Variants in ZGPAT observed in about 807,000 individuals in gnomAD.
The protein encoded by ZGPAT is zinc finger CCCH-type and G-patch domain containing, also known as zinc finger CCCH-type with G patch domain-containing protein.
ZGPAT carries 39 observed loss-of-function variants against 47.9 expected under a neutral mutation model. The observed-to-expected ratio is 0.81, with a 90% CI of 0.63 to 1.06. The LOEUF is 1.06. ZGPAT is among the 50% of genes least tolerant of loss of function. The pLI is 0.00. For synonymous variants in ZGPAT, 348 were observed against 292.9 expected, an observed-to-expected ratio of 1.19 and a Z score of -1.92; for missense variants, 717 against 681.4, an observed-to-expected ratio of 1.05 and a Z score of -0.58.
At chr20:63,730,952 CTCTCTCTCTCTCTCTCTCTGTGTGTG>C (rs2091893089) in intron 2 of ZGPAT, among the ~76,000 whole-genome samples, 1 of 145,638 alleles carries the variant, frequency 6.9e-6, no homozygotes, top group African/African-American at 2.8e-5. Context: ...CTCTCTCTCT[CTCTCTCTCTCTCTCTCTCTGTGTGTG>C]TGTGTGTGTG....
At chr20:63,709,358 C>T (rs1373172087) in intron 2 of ZGPAT, among the ~76,000 whole-genome samples, 194 bp downstream of exon 2, 1 of 152,176 alleles carries the variant, frequency 6.6e-6, no homozygotes, top group Non-Finnish European at 1.5e-5. Flanking sequence ...TGGAAGGAGG[C>T]CAGGCGCGGT....
intron 2 of ZGPAT, among the ~76,000 whole-genome samples, chr20:63,723,711 A>G (rs2091814615): frequency 6.6e-6 from 1 of 152,218 alleles, no homozygotes; most frequent in Non-Finnish European, 1.5e-5. Flanking sequence ...TATTATTGCC[A>G]TATATACATT....
chr20:63,733,698 A>C lies in ZGPAT; in HGVS notation c.830A>C (p.Asp277Ala). ...CTGCGCACAGAGGCCACAGAGTCCG[A>C]CTCAGACAGCGACGGTACGGGTGAC... is the stretch of plus-strand genomic sequence containing the variant. ...PPLRTEATES[D>A]SDSDGTGDSS... The change falls in exon 4 of 7, where the codon GAC becomes GCC. Residue 277 changes from aspartate (D) to alanine (A), a missense_variant. Asp to Ala is a moderately radical substitution (Grantham distance 126). Coordinates refer to ENST00000355969, the MANE Select transcript of ZGPAT (RefSeq NM_181485.3). 3 of 1,613,816 alleles carry C rather than the reference A, an allele frequency of 1.9e-6. No individual in the cohort carries two copies. The highest frequency in any genetic ancestry group is 2.5e-6 in the Non-Finnish European group (3 of 1,179,970).
chr20:63,735,248 C>A lies in ZGPAT; in HGVS notation c.1081C>A (p.Leu361Met). 6.2e-7 allele frequency: 1 copy of A among 1,604,294 alleles called. No individual in the cohort carries two copies. The highest frequency in any genetic ancestry group is 8.5e-7 in the Non-Finnish European group (1 of 1,175,608). ...GTCGCTGGACCAGTGTGTGGAGACC[C>A]TGCAGAAGCAGACCAGGGTTGGCAA... is the stretch of plus-strand genomic sequence containing the variant. ...GKSLDQCVET[L>M]QKQTRVGKAG... Residue 361 changes from leucine (L) to methionine (M), a missense_variant, in exon 6 of 7, where the codon CTG (leucine) becomes ATG (methionine). Physicochemically the swap from Leu to Met is conservative, Grantham distance 15 (BLOSUM62 2). Transcript: ENST00000355969.
At chr20:63,734,444 A>G in intron 4 of ZGPAT, 1 of 589,944 alleles carries the variant, frequency 1.7e-6, no homozygotes, top group Non-Finnish European at 2.9e-6. Context: ...AGGAGGGGCC[A>G]CGGTGCAGCA....
At chr20:63,728,777 C>G (rs1433520934) in intron 2 of ZGPAT, among the ~76,000 whole-genome samples, 1 of 152,220 alleles carries the variant, frequency 6.6e-6, no homozygotes, top group Non-Finnish European at 1.5e-5. Context: ...ACATCCACCT[C>G]TGCTGCTGCT....
chr20:63,709,271 C>T, intron 2 of ZGPAT, 107 bp downstream of exon 2: 3 of 1,262,978 alleles, frequency 2.4e-6, no homozygotes, highest in Non-Finnish European at 3.4e-6. Context: ...GTCTCAGCTT[C>T]CTGGGGCAGG....
chr20:63,733,175 G>C (rs1601348648), intron 2 of ZGPAT, 44 bp from the exon 3 acceptor site: 6 of 1,596,000 alleles, frequency 3.8e-6, no homozygotes, highest in Non-Finnish European at 5.1e-6. Context: ...GTTTGCCCCT[G>C]GTGGCCCATG....
chr20:63,723,211 C>G (rs2091807168), intron 2 of ZGPAT, among the ~76,000 whole-genome samples: 1 of 147,454 alleles, frequency 6.8e-6, no homozygotes, highest in Non-Finnish European at 1.5e-5. Flanking sequence ...CTCCATCCTC[C>G]CTTCTCCTGT....
chr20:63,711,113 T>A (rs767907781), intron 2 of ZGPAT, among the ~76,000 whole-genome samples: 5 of 151,476 alleles, frequency 3.3e-5, no homozygotes, highest in Non-Finnish European at 7.4e-5. Flanking sequence ...CACTGCAATC[T>A]CCGCCTCCCT....
In ZGPAT at chr20:63,732,961, TGA is replaced by T. The variant is rs199902222; in HGVS notation, c.585-256_585-255del. 3.7e-3 allele frequency among the ~76,000 whole-genome samples: 553 copies of T among 150,772 alleles called. 1 individual carries two copies. The highest frequency in any genetic ancestry group is 0.013 in the African/African-American group (516 of 40,208). ...ACAAGTGTGTATATATGTGTATGTGTGAGTGTATGTGTGCATGTGTATCTGTA... is the reference window on the plus strand; with the variant it reads ...ACAAGTGTGTATATATGTGTATGTGTGTGTATGTGTGCATGTGTATCTGTA... On this transcript the variant is annotated intron_variant, in intron 2 of 6. Coordinates refer to ENST00000355969, the MANE Select transcript of ZGPAT (RefSeq NM_181485.3).
In ZGPAT at chr20:63,716,049, C is replaced by G. The variant is rs556298642; in HGVS notation, c.584+6885C>G. Among the ~76,000 whole-genome samples, 268 of 152,146 alleles carry G rather than the reference C, an allele frequency of 1.8e-3. 3 individuals carry two copies. The highest frequency in any genetic ancestry group is 2.7e-3 in the Non-Finnish European group (183 of 68,036). ...TCAGATTTTCTGTTTCTTCTTGAGT[C>G]AGTTTGGTCTCGCTCTGTCGCCCAG... On this transcript the variant is annotated intron_variant, in intron 2 of 6. Coordinates refer to ENST00000355969, the MANE Select transcript of ZGPAT (RefSeq NM_181485.3).
At chr20:63,732,944 G>T (rs1468855828) in intron 2 of ZGPAT, among the ~76,000 whole-genome samples, 1 of 151,806 alleles carries the variant, frequency 6.6e-6, no homozygotes, top group African/African-American at 2.4e-5. Flanking sequence ...GCACAAGTGT[G>T]TATATATGTG....
chr20:63,726,343 C>T (rs528270380), intron 2 of ZGPAT, among the ~76,000 whole-genome samples: 4 of 150,174 alleles, frequency 2.7e-5, no homozygotes, highest in Non-Finnish European at 4.4e-5. Flanking sequence ...AGATGATAGG[C>T]GCCCGCCACC....
chr20:63,720,272 C>T (rs1006772447), intron 2 of ZGPAT, among the ~76,000 whole-genome samples: 6 of 151,970 alleles, frequency 3.9e-5, no homozygotes, highest in Non-Finnish European at 5.9e-5. Context: ...TCTCCTGCTT[C>T]AGCCTCCTGA....
chr20:63,722,143 G>A (rs1417298532), intron 2 of ZGPAT, among the ~76,000 whole-genome samples: 4 of 152,170 alleles, frequency 2.6e-5, no homozygotes, highest in East Asian at 1.9e-4. Flanking sequence ...AAATGCATAA[G>A]CAGGATTCCT....
rs1237935541 is a variant in ZGPAT, at chr20:63,730,970, C to CTCTG, written c.585-2248_585-2247insCTGT. ...TCTCTCTCTCTCTCTCTCTCTCTCT[C>CTCTG]TGTGTGTGTGTGTGTGTGTGTCTCG... On this transcript the variant is annotated intron_variant, in intron 2 of 6. Transcript: ENST00000355969. 9.6e-4 allele frequency among the ~76,000 whole-genome samples: 110 copies of CTCTG among 115,158 alleles called. 1 individual carries two copies. The highest frequency in any genetic ancestry group is 4.5e-3 in the Middle Eastern group (1 of 222). 75.5% of individuals were successfully genotyped at this position (115,158 alleles called of 152,430 possible). A position where few individuals can be genotyped will look rare whatever the true frequency, so the allele number is the denominator to read the frequency against.
In ZGPAT at chr20:63,719,255, A is replaced by G. The variant is rs76002041; in HGVS notation, c.584+10091A>G. Among the ~76,000 whole-genome samples the G allele has an allele frequency of 6.1e-3, 927 of 152,122 alleles. 22 individuals carry two copies. In the East Asian group the frequency reaches 0.093, roughly 15 times the overall value. Reference sequence around the variant, plus strand: ...TATCAGTGTGGATCCCTCAATTTATAAGCTACTTGGAGTTCATTGGACTTC... The same window carrying G: ...TATCAGTGTGGATCCCTCAATTTATGAGCTACTTGGAGTTCATTGGACTTC... On this transcript the variant is annotated intron_variant, in intron 2 of 6. Coordinates refer to ENST00000355969, the MANE Select transcript of ZGPAT (RefSeq NM_181485.3).
intron 2 of ZGPAT, among the ~76,000 whole-genome samples, chr20:63,724,082 GGGAC>G: frequency 6.6e-6 from 1 of 151,786 alleles, no homozygotes; most frequent in Non-Finnish European, 1.5e-5. Flanking sequence ...CAGAAGTAAA[GGGAC>G]TAGGAATGGT....
Sources: allele counts gnomAD v4.1 joint callset (sites outside exome capture counted in the v4.1 genomes callset), GRCh38; gene constraint gnomAD v4.1.1; transcripts MANE v1.5; gene names NCBI Gene and HGNC (gene_info 2026-07-23, HGNC 2026-07-21).